Variants in KHDRBS3 observed in about 807,000 individuals in gnomAD.
The protein encoded by KHDRBS3 is KH RNA binding domain containing, signal transduction associated 3.
Under a neutral mutation model 45.6 loss-of-function variants are expected in KHDRBS3, and 23 were observed. The observed-to-expected ratio is 0.50, with a 90% CI of 0.36 to 0.72. The LOEUF (loss-of-function observed/expected upper bound fraction) is 0.72. Ranked by LOEUF, KHDRBS3 falls within the 30% of genes least tolerant of loss-of-function variation. The pLI is 0.00. For missense variants in KHDRBS3, 352 were observed against 424.8 expected, an observed-to-expected ratio of 0.83 and a Z score of 1.51; for synonymous variants, 162 against 156.5, an observed-to-expected ratio of 1.04 and a Z score of -0.26.
intron 1 of KHDRBS3, among the ~76,000 whole-genome samples, chr8:135,507,147 A>C (rs1824043104): frequency 6.6e-6 from 1 of 152,150 alleles, no homozygotes; most frequent in South Asian, 2.1e-4. Context: ...CAAATTCTTC[A>C]AACGGATCTA....
intron 4 of KHDRBS3, among the ~76,000 whole-genome samples, chr8:135,552,340 A>T (rs1341484174): frequency 1.3e-5 from 2 of 152,024 alleles, no homozygotes; most frequent in Non-Finnish European, 2.9e-5. Context: ...AGACTGGATA[A>T]TTTTAATGGA....
intron 7 of KHDRBS3, among the ~76,000 whole-genome samples, chr8:135,622,679 A>G (rs72734019): frequency 0.085 from 12,953 of 152,292 alleles, 679 homozygotes; most frequent in East Asian, 0.19. Context: ...CTGTAAAAAC[A>G]AATGCAAGAT....
chr8:135,470,066 C>G (rs192217003), intron 1 of KHDRBS3, among the ~76,000 whole-genome samples: 2 of 152,270 alleles, frequency 1.3e-5, no homozygotes, highest in East Asian at 3.9e-4. Flanking sequence ...TGCGTAGCTT[C>G]TTTGGTGTTC....
chr8:135,558,880 G>C (rs1344931306), intron 5 of KHDRBS3, among the ~76,000 whole-genome samples: 3 of 152,134 alleles, frequency 2.0e-5, no homozygotes, highest in African/African-American at 7.2e-5. Flanking sequence ...GTGTTGGCAA[G>C]GTCGTTCTCT....
At chr8:135,568,824 A>G (rs1291996497) in intron 5 of KHDRBS3, among the ~76,000 whole-genome samples, 2 of 152,202 alleles carry the variant, frequency 1.3e-5, no homozygotes, top group Non-Finnish European at 2.9e-5. Flanking sequence ...TTTGCTGACC[A>G]GCTTTTGAAT....
chr8:135,621,667 C>A (rs1830145873), intron 7 of KHDRBS3, among the ~76,000 whole-genome samples: 1 of 148,966 alleles, frequency 6.7e-6, no homozygotes, highest in Non-Finnish European at 1.5e-5. Context: ...ACCATTCTAC[C>A]AGGCAAACCA....
At chr8:135,574,572 A>G (rs1214947731) in intron 5 of KHDRBS3, among the ~76,000 whole-genome samples, 2 of 152,160 alleles carry the variant, frequency 1.3e-5, no homozygotes, top group Non-Finnish European at 2.9e-5. Context: ...CAAGAAGCAT[A>G]TTGAATATTT....
At chr8:135,540,726 A>T (rs1187888841) in intron 2 of KHDRBS3, 1 of 152,264 alleles carries the variant, frequency 6.6e-6, no homozygotes, top group Non-Finnish European at 1.5e-5. Context: ...CGCCCAAGTG[A>T]AACGAAATAC....
intron 1 of KHDRBS3, among the ~76,000 whole-genome samples, chr8:135,477,640 T>C (rs1822357798): frequency 6.6e-6 from 1 of 152,206 alleles, no homozygotes; most frequent in South Asian, 2.1e-4. Context: ...CATGTCCTTA[T>C]CCATTCCCCA....
chr8:135,646,653 T>C (rs1477118296), intron 8 of KHDRBS3, among the ~76,000 whole-genome samples: 1 of 152,218 alleles, frequency 6.6e-6, no homozygotes, highest in African/African-American at 2.4e-5. Flanking sequence ...ATAAATGTCC[T>C]GATGTTTAGC....
chr8:135,558,771 A>C (rs971104343), intron 5 of KHDRBS3, among the ~76,000 whole-genome samples: 1 of 83,948 alleles, frequency 1.2e-5, no homozygotes, highest in Non-Finnish European at 2.2e-5. Flanking sequence ...GTGACAAATT[A>C]CCACAGATTT....
At chr8:135,484,339 T>G (rs1006572359) in intron 1 of KHDRBS3, among the ~76,000 whole-genome samples, 1 of 152,076 alleles carries the variant, frequency 6.6e-6, no homozygotes, top group East Asian at 1.9e-4. Context: ...TCCCTAAGAG[T>G]TAAACAGGAA....
chr8:135,643,701 A>G (rs1831162247), intron 7 of KHDRBS3, among the ~76,000 whole-genome samples: 1 of 151,952 alleles, frequency 6.6e-6, no homozygotes, highest in Admixed American at 6.6e-5. Context: ...TGGGGGAAAA[A>G]CTCCGTGTGG....
intron 7 of KHDRBS3, among the ~76,000 whole-genome samples, chr8:135,608,626 C>G (rs1037573216): frequency 4.6e-5 from 7 of 152,172 alleles, no homozygotes; most frequent in Non-Finnish European, 1.0e-4. Flanking sequence ...GTGAGAGGCT[C>G]ACTGCACATT....
At chr8:135,618,408 G>C (rs1309807818) in intron 7 of KHDRBS3, among the ~76,000 whole-genome samples, 2 of 152,166 alleles carry the variant, frequency 1.3e-5, no homozygotes, top group African/African-American at 4.8e-5. Flanking sequence ...TTTGGGATGT[G>C]TTGAATTTAG....
At chr8:135,585,228 CAA>C (rs35301059) in intron 6 of KHDRBS3, among the ~76,000 whole-genome samples, 10 of 96,152 alleles carry the variant, frequency 1.0e-4, no homozygotes, top group African/African-American at 1.7e-4. Flanking sequence ...GACTCCGTCT[CAA>C]AAAAAAAAAA....
chr8:135,611,166 C>A (rs1308220513), intron 7 of KHDRBS3, among the ~76,000 whole-genome samples: 1 of 151,818 alleles, frequency 6.6e-6, no homozygotes, highest in Non-Finnish European at 1.5e-5. Flanking sequence ...TGAAGGAGTA[C>A]AGAGAACTGT....
chr8:135,632,034 T>A (rs1055807767), intron 7 of KHDRBS3, among the ~76,000 whole-genome samples: 1 of 152,204 alleles, frequency 6.6e-6, no homozygotes, highest in Non-Finnish European at 1.5e-5. Flanking sequence ...GAATGAAACA[T>A]CATTATGCAG....
At chr8:135,478,904 G>A (rs1302822335) in intron 1 of KHDRBS3, among the ~76,000 whole-genome samples, 1 of 152,154 alleles carries the variant, frequency 6.6e-6, no homozygotes, top group Non-Finnish European at 1.5e-5. Flanking sequence ...TTAAGACACT[G>A]GAGAGCAAAT....
Sources: gnomAD v4.1 joint callset for allele counts (sites outside exome capture counted in the v4.1 genomes callset) on GRCh38, gnomAD v4.1.1 for gene constraint, MANE v1.5 for transcripts, NCBI Gene and HGNC (gene_info 2026-07-23, HGNC 2026-07-21) for gene names.